Variants in TMC5 observed in about 807,000 individuals in gnomAD.
TMC5 encodes transmembrane channel like 5.
TMC5 carries 86 observed loss-of-function variants against 110.5 expected under a neutral mutation model. The ratio of observed to expected loss-of-function variants is 0.78; its 90% CI spans 0.65 to 0.93. The LOEUF (loss-of-function observed/expected upper bound fraction) is 0.93, where lower values mean the gene tolerates loss of function less well. Among genes scored for constraint, TMC5 ranks in the 40% least tolerant of loss-of-function variants. The pLI is 0.00. For synonymous variants in TMC5, 455 were observed against 439.5 expected (o/e 1.04, Z -0.44); for missense variants, 1,144 against 1,222.8 (o/e 0.94, Z 0.96).
chr16:19,478,191 A>T (rs1968533664), intron 13 of TMC5, among the ~76,000 whole-genome samples: 1 of 152,124 alleles, frequency 6.6e-6, no homozygotes, highest in Non-Finnish European at 1.5e-5. Context: ...TTCACATCAC[A>T]CAGCAATCCT....
Position 19,498,042 on chromosome 16 carries a change from G to A in TMC5, c.*76G>A. ...TGGAATGATTTCTTCCATGCCACCTGTGCCTTTAGGAACTGCCCAGAAGAA... is the reference window on the plus strand; with the variant it reads ...TGGAATGATTTCTTCCATGCCACCTATGCCTTTAGGAACTGCCCAGAAGAA... On this transcript the variant is annotated 3_prime_UTR_variant, in exon 22 of 22. Coordinates refer to ENST00000542583, the MANE Select transcript of TMC5 (RefSeq NM_001261841.2). 1 of 1,425,490 alleles carries A rather than the reference G, an allele frequency of 7.0e-7. No individual in the cohort carries two copies. The allele number at this position is 1,425,490 out of a possible 1,614,324, so 88.3% of individuals were successfully genotyped here. A position where few individuals can be genotyped will look rare whatever the true frequency, so the allele number is the denominator to read the frequency against.
rs147628109 is a variant in TMC5, at chr16:19,423,824, T to C, written c.-308+5732T>C. On this transcript the variant is annotated intron_variant, in intron 1 of 21. Coordinates refer to ENST00000542583, the MANE Select transcript of TMC5 (RefSeq NM_001261841.2). ...TGGAGTGCAGTGGTGCCATCTTGGC[T>C]CACTGCAATCTCCACCTCCCAGGTT... Among the ~76,000 whole-genome samples, 1,194 of 152,302 alleles carry C rather than the reference T, an allele frequency of 7.8e-3. 13 individuals are homozygous for C. Among genetic ancestry groups the C allele is most frequent in the African/African-American group, 0.028 (1,156 of 41,558 alleles).
At chr16:19,474,941 C>A (rs1968449152) in intron 12 of TMC5, 1 of 152,306 alleles carries the variant, frequency 6.6e-6, no homozygotes, top group Admixed American at 6.5e-5. Context: ...ACCACCCAAA[C>A]AAAGGTGGGA....
chr16:19,474,097 C>T (rs1968420848), intron 11 of TMC5, 28 bp from the exon 12 acceptor site: 4 of 1,608,798 alleles, frequency 2.5e-6, no homozygotes, highest in Non-Finnish European at 2.5e-6. Flanking sequence ...ACAAGTCAGC[C>T]CTCCGTTCTC....
chr16:19,457,744 GAGACAA>G (rs1967923133), intron 5 of TMC5, among the ~76,000 whole-genome samples: 1 of 11,346 alleles, frequency 8.8e-5, no homozygotes, highest in African/African-American at 1.2e-4. Flanking sequence ...TTTTTTTTTT[GAGACAA>G]AGTCTTGCTG....
Position 19,440,416 on chromosome 16 carries a change from A to T in TMC5, c.378A>T (p.Pro126=). 6.2e-7 allele frequency: 1 copy of T among 1,614,112 alleles called. No individual in the cohort carries two copies. Among genetic ancestry groups the T allele is most frequent in the Non-Finnish European group, 8.5e-7 (1 of 1,180,040 alleles). ...ACCACCGAGCATCATCCAGACAACC[A>T]GACTACCCTGGATCTCAACGAAATC... ...HPYHRASSRQ[P]DYPGSQRNPD... is the part of the protein sequence containing the mutation. The change falls in exon 3 of 22, where the codon CCA becomes CCT. Residue 126 remains proline (P), a synonymous_variant. Transcript: ENST00000542583.
chr16:19,424,365 G>A (rs962377794), intron 1 of TMC5, among the ~76,000 whole-genome samples: 1 of 152,152 alleles, frequency 6.6e-6, no homozygotes, highest in Non-Finnish European at 1.5e-5. Context: ...TAAAGAATAT[G>A]ATATGCTGGG....
rs1056385837 is a variant in TMC5 at position 19,418,015 on chromosome 16, C to G, written c.-385C>G. The G allele has an allele frequency of 7.9e-5, 12 of 152,122 alleles. No homozygotes were observed. The highest frequency in any genetic ancestry group is 1.8e-4 in the Non-Finnish European group (12 of 68,036). 9.4% of individuals were successfully genotyped at this position (152,122 alleles called of 1,614,324 possible). A position where few individuals can be genotyped will look rare whatever the true frequency, so the allele number is the denominator to read the frequency against. ...CGGTTAGTTAAGAAAAAAAGAGGAC[C>G]TGTTGCCTGTCCCTCTAGCTTTGAA... is the stretch of plus-strand genomic sequence containing the variant. On this transcript the variant is annotated 5_prime_UTR_variant, in exon 1 of 22. Transcript: ENST00000542583.
intron 1 of TMC5, among the ~76,000 whole-genome samples, chr16:19,428,444 G>A (rs991832586): frequency 4.0e-5 from 6 of 151,702 alleles, no homozygotes; most frequent in Non-Finnish European, 2.9e-5. Context: ...AAAGTACTGC[G>A]ATTACAAGCT....
chr16:19,475,971 G>A (rs181228145), intron 12 of TMC5, among the ~76,000 whole-genome samples: 3 of 152,158 alleles, frequency 2.0e-5, no homozygotes, highest in Admixed American at 2.0e-4. Context: ...TGTTCACAGT[G>A]TCTGGGATAT....
In TMC5 at chr16:19,474,110, C is replaced by T; in HGVS notation, c.1939-15C>T. The T allele has an allele frequency of 1.2e-6, 2 of 1,612,042 alleles. No individual in the cohort carries two copies. The highest frequency in any genetic ancestry group is 1.7e-6 in the Non-Finnish European group (2 of 1,179,390). On this transcript the variant is annotated splice_polypyrimidine_tract_variant and intron_variant, in intron 11 of 21. Transcript: ENST00000542583. ...GTACAAGTCAGCCCTCCGTTCTCTC[C>T]CCCATCCCCTGCAGTTCCTGAAGAC...
At chr16:19,480,660 C>A (rs891465624) in intron 14 of TMC5, among the ~76,000 whole-genome samples, 7 of 151,938 alleles carry the variant, frequency 4.6e-5, no homozygotes, top group Non-Finnish European at 1.0e-4. Flanking sequence ...CAAAAATTAG[C>A]CGAGCATGGT....
At chr16:19,456,877 A>C in intron 5 of TMC5, 1 of 1,614,240 alleles carries the variant, frequency 6.2e-7, no homozygotes, top group Non-Finnish European at 8.5e-7. Context: ...ACTCTCAGAC[A>C]GTCAGCAAAA....
intron 4 of TMC5, 149 bp from the exon 5 acceptor site, chr16:19,449,393 C>G (rs1264670930): frequency 1.5e-6 from 1 of 654,898 alleles, no homozygotes; most frequent in Non-Finnish European, 2.7e-6. Flanking sequence ...CACCCAAGTT[C>G]TTAATCAGTA....
intron 20 of TMC5, among the ~76,000 whole-genome samples, chr16:19,496,846 T>C (rs8052089): frequency 0.019 from 2,551 of 132,856 alleles, 88 homozygotes; most frequent in African/African-American, 0.071. Context: ...GCCGAGATCA[T>C]GCCATTCCAC....
intron 3 of TMC5, among the ~76,000 whole-genome samples, 188 bp from the exon 4 acceptor site, chr16:19,443,893 A>G (rs779111348): frequency 1.8e-4 from 28 of 151,894 alleles, no homozygotes; most frequent in Non-Finnish European, 1.0e-4. Flanking sequence ...GGATGGATGG[A>G]TAAATGGATG....
At chr16:19,427,171 C>G (rs1431884903) in intron 1 of TMC5, among the ~76,000 whole-genome samples, 1 of 152,084 alleles carries the variant, frequency 6.6e-6, no homozygotes, top group Non-Finnish European at 1.5e-5. Flanking sequence ...GTTGGAGTTC[C>G]GGCTGGGCAC....
Position 19,439,954 on chromosome 16 carries a change from T to C in TMC5, c.-79-6T>C. ...TCTGACTTTTTCTTTTCTTCTTGTT[T>C]TTCAGGTGAAAAAAAAAAAAGATCC... On this transcript the variant is annotated splice_region_variant and splice_polypyrimidine_tract_variant and intron_variant, in intron 2 of 21. Coordinates refer to ENST00000542583, the MANE Select transcript of TMC5 (RefSeq NM_001261841.2). 8.3e-7 allele frequency: 1 copy of C among 1,198,636 alleles called. No individual in the cohort carries two copies. Among genetic ancestry groups the C allele is most frequent in the Non-Finnish European group, 1.2e-6 (1 of 848,550 alleles). 74.3% of individuals were successfully genotyped at this position (1,198,636 alleles called of 1,614,324 possible).
chr16:19,458,779 G>A (rs954644862), intron 5 of TMC5, among the ~76,000 whole-genome samples: 5 of 152,090 alleles, frequency 3.3e-5, no homozygotes, highest in Non-Finnish European at 7.3e-5. Context: ...CCTCAGCAGA[G>A]AGATTTGGTG....
Sources: allele counts gnomAD v4.1 joint callset (sites outside exome capture counted in the v4.1 genomes callset), GRCh38; gene constraint gnomAD v4.1.1; transcripts MANE v1.5; gene names NCBI Gene and HGNC (gene_info 2026-07-23, HGNC 2026-07-21).